Variants in INSYN2A observed in about 807,000 individuals in gnomAD.
The protein encoded by INSYN2A is inhibitory synaptic factor 2A, also known as family with sequence similarity 196 member A.
In INSYN2A, 17 loss-of-function variants were observed where a neutral mutation model predicts 39.4. That is an observed-to-expected ratio of 0.43 (90% CI 0.30 to 0.65). The LOEUF is 0.65. INSYN2A is among the 30% of genes least tolerant of loss of function. INSYN2A has a pLI of 0.14. For missense variants in INSYN2A, 595 were observed against 631.2 expected (o/e 0.94, Z 0.61); for synonymous variants, 255 against 265.7 (o/e 0.96, Z 0.39).
chr10:127,153,906 C>T lies in INSYN2A; in HGVS notation c.1202G>A (p.Gly401Glu). The T allele has an allele frequency of 6.2e-7, 1 of 1,613,880 alleles. No individual in the cohort carries two copies. The highest frequency in any genetic ancestry group is 8.5e-7 in the Non-Finnish European group (1 of 1,179,848). The change falls in exon 5 of 6, where the codon GGG becomes GAG. Residue 401 changes from glycine (G) to glutamate (E), a missense_variant. By Grantham distance (98) the Gly-to-Glu change is moderately conservative (BLOSUM62 -2). Transcript: ENST00000522781. ...TGTGTCACAATTAGCTGTGTCTTGCCCCGTCCGATATGAAAGCCTACAAGA... is the reference window on the plus strand; with the variant it reads ...TGTGTCACAATTAGCTGTGTCTTGCTCCGTCCGATATGAAAGCCTACAAGA... The part of the protein sequence containing the change: ...AHREGLSYRT[G>E]QDTANCDTCR...
In INSYN2A at chr10:127,137,801, C is replaced by A. The variant is rs1170198837; in HGVS notation, c.*36G>T. 1.9e-6 allele frequency: 3 copies of A among 1,584,006 alleles called. No individual in the cohort carries two copies. Among genetic ancestry groups the A allele is most frequent in the African/African-American group, 2.7e-5 (2 of 73,446 alleles). On this transcript the variant is annotated 3_prime_UTR_variant, in exon 6 of 6. Transcript: ENST00000522781. ...GTATTGACTTAAACTCCAGTGGGTT[C>A]TAAAGACGGCCTCGAGACTCCAGAC... is the stretch of plus-strand genomic sequence containing the variant.
intron 2 of INSYN2A, among the ~76,000 whole-genome samples, chr10:127,181,388 T>C (rs2133968616): frequency 6.6e-6 from 1 of 152,318 alleles, no homozygotes; most frequent in East Asian, 1.9e-4. Flanking sequence ...ATTCTGTCCA[T>C]TCTTAAAATG....
At position 127,135,537 on chromosome 10, in the gene INSYN2A, G is replaced by GC. The variant is rs1434765617; in HGVS notation, c.*2299dup. 1 of 152,588 alleles carries GC rather than the reference G, an allele frequency of 6.6e-6. No homozygotes were observed. Among genetic ancestry groups the GC allele is most frequent in the Non-Finnish European group, 1.5e-5 (1 of 68,036 alleles). 9.5% of individuals were successfully genotyped at this position (152,588 alleles called of 1,614,324 possible). The stretch of plus-strand genomic sequence containing the variant: ...GTACATCTACATAAGGGAACCCTGT[G>GC]CGTTTTACCTTGCTTTTGTATCAGC... On this transcript the variant is annotated 3_prime_UTR_variant, in exon 6 of 6. Coordinates refer to ENST00000522781, the MANE Select transcript of INSYN2A (RefSeq NM_001039762.3).
chr10:127,166,836 A>G (rs1489189355), intron 4 of INSYN2A, among the ~76,000 whole-genome samples: 1 of 152,028 alleles, frequency 6.6e-6, no homozygotes, highest in East Asian at 1.9e-4. Context: ...TGTTCATGCC[A>G]TGCCTTGAAT....
intron 4 of INSYN2A, among the ~76,000 whole-genome samples, chr10:127,168,780 A>G (rs1283366910): frequency 6.6e-6 from 1 of 152,184 alleles, no homozygotes; most frequent in Non-Finnish European, 1.5e-5. Flanking sequence ...TCAGACTCTA[A>G]GCCCACACCT....
intron 2 of INSYN2A, among the ~76,000 whole-genome samples, chr10:127,188,991 G>A (rs2056523363): frequency 6.6e-6 from 1 of 152,222 alleles, no homozygotes. Flanking sequence ...ACTCCACTGT[G>A]AGCTGGGTCA....
At position 127,135,473 on chromosome 10, in the gene INSYN2A, A is replaced by G. The variant is rs897449058; in HGVS notation, c.*2364T>C. The G allele has an allele frequency of 6.6e-6, 1 of 152,666 alleles. No individual in the cohort carries two copies. Among genetic ancestry groups the G allele is most frequent in the African/African-American group, 2.4e-5 (1 of 41,466 alleles). 9.5% of individuals were successfully genotyped at this position (152,666 alleles called of 1,614,324 possible). A position where few individuals can be genotyped will look rare whatever the true frequency, so the allele number is the denominator to read the frequency against. ...TTAAAAATTAATAAAGAACTTAACG[A>G]CAAGTATAATAATTTAATCTCTATA... On this transcript the variant is annotated 3_prime_UTR_variant, in exon 6 of 6. Transcript: ENST00000522781.
Position 127,175,190 on chromosome 10 carries a change from A to C in INSYN2A, c.1184+22T>G, listed in dbSNP as rs1430661668. 6.3e-7 allele frequency: 1 copy of C among 1,583,664 alleles called. No homozygotes were observed. Among genetic ancestry groups the C allele is most frequent in the East Asian group, 2.2e-5 (1 of 44,678 alleles). ...GGTGATCAGCCTGCATAGCTTCCTAAGACATGGGTGAACATACATACCCTT... is the reference window on the plus strand; with the variant it reads ...GGTGATCAGCCTGCATAGCTTCCTACGACATGGGTGAACATACATACCCTT... On this transcript the variant is annotated intron_variant, in intron 4 of 5. Coordinates refer to ENST00000522781, the MANE Select transcript of INSYN2A (RefSeq NM_001039762.3). This position sits in a 1 kb window ranked among gnomAD's most constrained non-coding sequence, Gnocchi z 6.3.
intron 2 of INSYN2A, among the ~76,000 whole-genome samples, chr10:127,177,355 G>T (rs773614543): frequency 4.2e-4 from 64 of 152,346 alleles, no homozygotes; most frequent in Middle Eastern, 3.4e-3. Flanking sequence ...TCCTCTCGGG[G>T]AATACCAGTG....
chr10:127,141,536 G>A (rs960916554), intron 5 of INSYN2A, among the ~76,000 whole-genome samples: 1 of 152,082 alleles, frequency 6.6e-6, no homozygotes, highest in Non-Finnish European at 1.5e-5. Flanking sequence ...AACCCCATCT[G>A]TACTAAAAAT....
chr10:127,163,428 GT>G (rs951890386), intron 4 of INSYN2A, among the ~76,000 whole-genome samples: 10 of 152,102 alleles, frequency 6.6e-5, no homozygotes, highest in Non-Finnish European at 1.2e-4. Context: ...GTGGGCAGAG[GT>G]TTTTGTCTGT....
intron 4 of INSYN2A, among the ~76,000 whole-genome samples, chr10:127,164,157 TCC>T (rs1386462818): frequency 7.8e-6 from 1 of 127,390 alleles, no homozygotes; most frequent in African/African-American, 2.9e-5. Context: ...GTCATTTGCC[TCC>T]TTTTTTTTTT....
At chr10:127,144,544 C>T (rs529882056) in intron 5 of INSYN2A, among the ~76,000 whole-genome samples, 72 of 152,294 alleles carry the variant, frequency 4.7e-4, no homozygotes, top group Middle Eastern at 3.4e-3. Context: ...GAACCAAATC[C>T]CCTCACTTCT....
At chr10:127,145,904 G>A (rs1476007057) in intron 5 of INSYN2A, 1 of 477,926 alleles carries the variant, frequency 2.1e-6, no homozygotes, top group South Asian at 1.6e-5. Flanking sequence ...CTAAACGTCA[G>A]CCTGTGCATT....
intron 4 of INSYN2A, among the ~76,000 whole-genome samples, chr10:127,170,018 G>A (rs1394032843): frequency 6.6e-6 from 1 of 151,722 alleles, no homozygotes; most frequent in African/African-American, 2.4e-5. Flanking sequence ...TTTTACCACT[G>A]TGTGCCCGAG....
chr10:127,186,717 C>T (rs1028493825), intron 2 of INSYN2A, among the ~76,000 whole-genome samples: 2 of 151,822 alleles, frequency 1.3e-5, no homozygotes, highest in Non-Finnish European at 2.9e-5. Flanking sequence ...AATAAGGAAG[C>T]GCAGTACTTA....
intron 5 of INSYN2A, among the ~76,000 whole-genome samples, chr10:127,145,491 CTG>C (rs1456641521): frequency 2.6e-5 from 4 of 152,258 alleles, no homozygotes; most frequent in South Asian, 4.2e-4. Flanking sequence ...TTGACAGAAA[CTG>C]TGTTATAACT....
At chr10:127,148,030 CAAAAAAAA>C (rs57503481) in intron 5 of INSYN2A, among the ~76,000 whole-genome samples, 7 of 63,278 alleles carry the variant, frequency 1.1e-4, no homozygotes, top group African/African-American at 1.3e-4. Context: ...GACTCTGTCT[CAAAAAAAA>C]AAAAAAAAAA....
In INSYN2A at chr10:127,175,947, T is replaced by C; in HGVS notation, c.449A>G (p.Lys150Arg). 6.2e-7 allele frequency: 1 copy of C among 1,614,242 alleles called. No homozygotes were observed. Residue 150 changes from lysine to arginine, a missense_variant, in exon 4 of 6, where the codon AAG becomes AGG. This residue lies in a region of INSYN2A where 478 missense variants were observed against 467.4 expected (regional missense o/e 1.02). Transcript: ENST00000522781. The surrounding 1 kb of genome is among the most constrained non-coding windows in gnomAD (Gnocchi z 6.3). ...CTCCTCCATGGGTCCAGCCTCGTTC[T>C]TCTCTTTCGCATCTGTTAGAAACCC... ...NNGFLTDAKEKNEAGPMEEAR... is the reference protein window; with the variant it reads ...NNGFLTDAKERNEAGPMEEAR...
Sources: allele counts gnomAD v4.1 joint callset (sites outside exome capture counted in the v4.1 genomes callset), GRCh38; gene constraint gnomAD v4.1.1; regional missense constraint gnomAD v4.1.1; non-coding constraint Gnocchi (gnomAD v3.1); transcripts MANE v1.5; gene names NCBI Gene and HGNC (gene_info 2026-07-23, HGNC 2026-07-21).